RNF150: variants seen among roughly 807,000 people sequenced by gnomAD.
RNF150 encodes ring finger protein 150.
RNF150 carries 24 observed loss-of-function variants against 39.3 expected under a neutral mutation model. The ratio of observed to expected loss-of-function variants is 0.61; its 90% CI spans 0.44 to 0.86. The LOEUF is 0.86. Among genes scored for constraint, RNF150 ranks in the 40% least tolerant of loss-of-function variants. RNF150 has a pLI of 0.00. For synonymous variants in RNF150, 255 were observed against 227.3 expected (o/e 1.12, Z -1.10); for missense variants, 502 against 587.8 (o/e 0.85, Z 1.51).
chr4:141,201,315 C>G (rs888424210), intron 1 of RNF150, among the ~76,000 whole-genome samples: 1 of 152,120 alleles, frequency 6.6e-6, no homozygotes, highest in Non-Finnish European at 1.5e-5. Flanking sequence ...TCATTTTATA[C>G]CCAAATACAA....
chr4:141,029,962 C>T (rs758179965), intron 1 of RNF150, among the ~76,000 whole-genome samples: 18 of 152,000 alleles, frequency 1.2e-4, no homozygotes, highest in Non-Finnish European at 1.3e-4. Context: ...TTTGGGAGGC[C>T]GAGGCAGGTG....
At chr4:141,150,196 A>G (rs1727273989) in intron 1 of RNF150, among the ~76,000 whole-genome samples, 1 of 152,218 alleles carries the variant, frequency 6.6e-6, no homozygotes, top group African/African-American at 2.4e-5. Context: ...GGGCTGACAT[A>G]TTAGCAATTG....
intron 6 of RNF150, among the ~76,000 whole-genome samples, chr4:140,873,742 T>G (rs941459863): frequency 2.0e-5 from 3 of 152,212 alleles, no homozygotes; most frequent in Admixed American, 6.5e-5. Flanking sequence ...AGTGGCATGA[T>G]CTCAGCTCAG....
At chr4:140,922,115 C>T in intron 5 of RNF150, among the ~76,000 whole-genome samples, 1 of 151,834 alleles carries the variant, frequency 6.6e-6, no homozygotes, top group East Asian at 1.9e-4. Context: ...GAAGTTCTGG[C>T]CAGGGCATTC....
At chr4:141,190,592 C>G (rs552798921) in intron 1 of RNF150, among the ~76,000 whole-genome samples, 36 of 152,286 alleles carry the variant, frequency 2.4e-4, no homozygotes, top group African/African-American at 8.4e-4. Context: ...TTAGAAACGC[C>G]TTGCTTGCAG....
intron 1 of RNF150, among the ~76,000 whole-genome samples, chr4:141,154,295 C>T (rs971113824): frequency 1.3e-5 from 2 of 152,198 alleles, no homozygotes; most frequent in African/African-American, 4.8e-5. Flanking sequence ...TAGCCAGATC[C>T]TCCCCACTCT....
At position 141,035,625 on chromosome 4, in the gene RNF150, G is replaced by A. The variant is rs566789047; in HGVS notation, c.485-67752C>T. The stretch of plus-strand genomic sequence containing the variant: ...GGCCTTCATTAATAACCCTGCTGAA[G>A]GCTATGTCCTTGTACCCATTCAGCT... On this transcript the variant is annotated intron_variant, in intron 1 of 6. Coordinates refer to ENST00000515673, the MANE Select transcript of RNF150 (RefSeq NM_020724.2). Among the ~76,000 whole-genome samples, 36 of 152,236 alleles carry A rather than the reference G, an allele frequency of 2.4e-4. 1 individual carries two copies. In the South Asian group the frequency reaches 7.0e-3, roughly 30 times the overall value.
At chr4:140,950,664 C>T (rs756520685) in intron 2 of RNF150, among the ~76,000 whole-genome samples, 32 of 152,228 alleles carry the variant, frequency 2.1e-4, no homozygotes, top group Non-Finnish European at 4.1e-4. Flanking sequence ...ATCCATCCAA[C>T]GTCTGGCTAG....
chr4:141,087,826 A>C (rs368052463), intron 1 of RNF150, among the ~76,000 whole-genome samples: 3 of 152,108 alleles, frequency 2.0e-5, no homozygotes, highest in African/African-American at 7.2e-5. Context: ...ACACTGTTTC[A>C]TGGACTTTTT....
At chr4:141,035,113 C>G (rs902909069) in intron 1 of RNF150, among the ~76,000 whole-genome samples, 1 of 152,180 alleles carries the variant, frequency 6.6e-6, no homozygotes, top group African/African-American at 2.4e-5. Context: ...TACAATTTAA[C>G]TCAAAAAGCC....
At chr4:140,915,881 G>A (rs201005903) in intron 5 of RNF150, among the ~76,000 whole-genome samples, 8 of 152,116 alleles carry the variant, frequency 5.3e-5, no homozygotes, top group African/African-American at 1.2e-4. Context: ...CAGCATTTGC[G>A]GTTCACCAAT....
intron 5 of RNF150, among the ~76,000 whole-genome samples, chr4:140,921,067 T>C (rs750894013): frequency 7.3e-5 from 11 of 150,284 alleles, no homozygotes; most frequent in Non-Finnish European, 1.3e-4. Flanking sequence ...CATTAGGAGA[T>C]ATACCTAACG....
intron 1 of RNF150, among the ~76,000 whole-genome samples, chr4:141,173,796 G>A (rs1216887174): frequency 6.6e-6 from 1 of 152,166 alleles, no homozygotes; most frequent in East Asian, 1.9e-4. Context: ...AATAATAAAT[G>A]TATTTTCAGT....
At chr4:140,937,965 A>G (rs1266182937) in intron 4 of RNF150, among the ~76,000 whole-genome samples, 1 of 152,180 alleles carries the variant, frequency 6.6e-6, no homozygotes, top group Non-Finnish European at 1.5e-5. Flanking sequence ...TCTGTTCCTA[A>G]TCAAGCCTAT....
chr4:141,133,604 C>G, upstream of RNF150: 1 of 152,288 alleles, frequency 6.6e-6, no homozygotes, highest in East Asian at 1.9e-4. Context: ...CCTGTCGGGT[C>G]TCAAATTCAA....
intron 1 of RNF150, among the ~76,000 whole-genome samples, chr4:141,170,121 A>G (rs939196987): frequency 1.3e-5 from 2 of 152,356 alleles, no homozygotes; most frequent in African/African-American, 4.8e-5. Flanking sequence ...TGAGTCTGCA[A>G]ATGAAAAGAA....
At position 141,111,669 on chromosome 4, in the gene RNF150, T is replaced by A. The variant is rs372653449; in HGVS notation, c.484+20656A>T. ...ATTCCTGAGCATGAGGAACCACAAATGCAATTAAAGAAAATGTTATTTAAA... is the reference window on the plus strand; with the variant it reads ...ATTCCTGAGCATGAGGAACCACAAAAGCAATTAAAGAAAATGTTATTTAAA... On this transcript the variant is annotated intron_variant, in intron 1 of 6. Transcript: ENST00000515673. Among the ~76,000 whole-genome samples, 3 of 152,298 alleles carry A rather than the reference T, an allele frequency of 2.0e-5. No individual in the cohort carries two copies. In the South Asian group the frequency reaches 6.2e-4, roughly 32 times the overall value.
chr4:141,188,825 G>A (rs1027713559), intron 1 of RNF150, among the ~76,000 whole-genome samples: 6 of 152,158 alleles, frequency 3.9e-5, no homozygotes, highest in Non-Finnish European at 5.9e-5. Flanking sequence ...GCTAGAAAAT[G>A]TCCTTTAGCT....
intron 1 of RNF150, among the ~76,000 whole-genome samples, chr4:141,013,151 G>C (rs1195431477): frequency 1.3e-5 from 2 of 152,132 alleles, no homozygotes; most frequent in Non-Finnish European, 2.9e-5. Flanking sequence ...CATGGTGGTT[G>C]TATCTTTTTG....
Sources: allele counts gnomAD v4.1 joint callset (sites outside exome capture counted in the v4.1 genomes callset), GRCh38; gene constraint gnomAD v4.1.1; transcripts MANE v1.5; gene names NCBI Gene and HGNC (gene_info 2026-07-23, HGNC 2026-07-21).